The following AKAP13 variants were observed in gnomAD, a reference collection of about 807,000 sequenced individuals.
The protein encoded by AKAP13 is A-kinase anchoring protein 13.
In AKAP13, 80 loss-of-function variants were observed where a neutral mutation model predicts 264.5. The ratio of observed to expected loss-of-function variants is 0.30; its 90% CI spans 0.25 to 0.36. AKAP13 has a LOEUF of 0.36. Ranked by LOEUF, AKAP13 falls within the 10% of genes least tolerant of loss-of-function variation. The pLI is 1.00. For synonymous variants in AKAP13, 1,380 were observed against 1,250.2 expected (o/e 1.10, Z -2.19); for missense variants, 3,712 against 3,435.2 (o/e 1.08, Z -2.01).
At position 85,541,153 on chromosome 15, in the gene AKAP13, A is replaced by G. The variant is rs535172499; in HGVS notation, c.479-2619A>G. Among the ~76,000 whole-genome samples the G allele has an allele frequency of 2.6e-5, 4 of 152,358 alleles. No homozygotes were observed. The South Asian group carries it at 6.2e-4, about 24-fold the overall frequency. Reference sequence around the variant, plus strand: ...ATTTGTCAAAATTTATCAAATGGGTATACTATACCATATGTATTTCATTGT... The same window carrying G: ...ATTTGTCAAAATTTATCAAATGGGTGTACTATACCATATGTATTTCATTGT... On this transcript the variant is annotated intron_variant, in intron 4 of 36. Transcript: ENST00000394518.
At chr15:85,630,166 T>TATACACACAC (rs71468125) in intron 8 of AKAP13, among the ~76,000 whole-genome samples, 49 of 100,180 alleles carry the variant, frequency 4.9e-4, no homozygotes, top group Admixed American at 3.5e-3. Context: ...TTTTAACACA[T>TATACACACAC]ACACACACAC....
rs2151799202 is a variant in AKAP13, at chr15:85,748,772, C to T, written c.*4095C>T. ...CTAAGGGTTAAAGGCGTGCAACCCC[C>T]CACTGGCTGTGTCCCCTGCCACCGA... On this transcript the variant is annotated 3_prime_UTR_variant, in exon 37 of 37. Transcript: ENST00000394518. 6.6e-6 allele frequency: 1 copy of T among 152,404 alleles called. No individual in the cohort carries two copies. Among genetic ancestry groups the T allele is most frequent in the South Asian group, 2.1e-4 (1 of 4,832 alleles). 9.4% of individuals were successfully genotyped at this position (152,404 alleles called of 1,614,324 possible). A position where few individuals can be genotyped will look rare whatever the true frequency, so the allele number is the denominator to read the frequency against.
At chr15:85,739,189 T>TC (rs1378821476) in intron 33 of AKAP13, among the ~76,000 whole-genome samples, 1 of 152,238 alleles carries the variant, frequency 6.6e-6, no homozygotes, top group Non-Finnish European at 1.5e-5. Context: ...TCTGATTATT[T>TC]CCCGAGTATG....
At chr15:85,675,298 T>C (rs1332646114) in intron 14 of AKAP13, among the ~76,000 whole-genome samples, 1 of 152,222 alleles carries the variant, frequency 6.6e-6, no homozygotes, top group African/African-American at 2.4e-5. Flanking sequence ...AGACTCTGCC[T>C]GAGAAACTAG....
intron 3 of AKAP13, among the ~76,000 whole-genome samples, chr15:85,525,127 C>T (rs1286138863): frequency 1.4e-5 from 2 of 144,298 alleles, no homozygotes; most frequent in East Asian, 2.0e-4. Flanking sequence ...GGCGCGATCT[C>T]GGCTCACTGC....
intron 5 of AKAP13, among the ~76,000 whole-genome samples, chr15:85,554,935 T>G (rs990594941): frequency 1.1e-4 from 16 of 152,196 alleles, no homozygotes; most frequent in Admixed American, 1.0e-3. Flanking sequence ...AGCAAATTAC[T>G]CATAGACAGT....
intron 8 of AKAP13, among the ~76,000 whole-genome samples, chr15:85,587,853 G>A (rs1458157278): frequency 6.6e-6 from 1 of 152,024 alleles, no homozygotes; most frequent in Non-Finnish European, 1.5e-5. Flanking sequence ...TTGCCATATT[G>A]GCCAGGCTGG....
intron 8 of AKAP13, among the ~76,000 whole-genome samples, chr15:85,593,708 ATG>A (rs2079683260): frequency 6.6e-6 from 1 of 152,006 alleles, no homozygotes; most frequent in Non-Finnish European, 1.5e-5. Flanking sequence ...TTTAGAGGGG[ATG>A]TGTGTCTCAT....
At chr15:85,444,060 T>C (rs972525826) in intron 1 of AKAP13, among the ~76,000 whole-genome samples, 1 of 152,200 alleles carries the variant, frequency 6.6e-6, no homozygotes, top group African/African-American at 2.4e-5. Flanking sequence ...TGATTCGGGC[T>C]AAGGCTTGGG....
intron 5 of AKAP13, among the ~76,000 whole-genome samples, chr15:85,567,755 G>C (rs553014521): frequency 3.0e-4 from 45 of 151,772 alleles, no homozygotes; most frequent in Non-Finnish European, 6.2e-4. Context: ...TTGTTAACTG[G>C]CCAAAAAAAA....
chr15:85,443,689 C>T (rs1354953604), intron 1 of AKAP13, among the ~76,000 whole-genome samples: 3 of 151,488 alleles, frequency 2.0e-5, no homozygotes, highest in Non-Finnish European at 2.9e-5. Flanking sequence ...TCGTGGTTGA[C>T]TGGAAAGTCA....
intron 1 of AKAP13, among the ~76,000 whole-genome samples, chr15:85,385,448 G>A (rs1017414983): frequency 1.3e-5 from 2 of 151,850 alleles, no homozygotes; most frequent in African/African-American, 4.8e-5. Context: ...TCTGAGTTTT[G>A]ACAGGTGTAT....
chr15:85,681,567 A>G (rs905859840), intron 14 of AKAP13, among the ~76,000 whole-genome samples: 1 of 151,938 alleles, frequency 6.6e-6, no homozygotes. Context: ...GGACTTTGCC[A>G]TCTGTTTTAT....
chr15:85,742,851 T>A (rs1480816569), intron 35 of AKAP13, among the ~76,000 whole-genome samples: 1 of 152,174 alleles, frequency 6.6e-6, no homozygotes, highest in Non-Finnish European at 1.5e-5. Flanking sequence ...GGGGCAGTTG[T>A]AGCTTTCTGC....
chr15:85,700,962 G>A (rs570648522), intron 17 of AKAP13: 1 of 152,166 alleles, frequency 6.6e-6, no homozygotes, highest in African/African-American at 2.4e-5. Context: ...CTGACCTCAC[G>A]TTTTTAGTTC....
chr15:85,406,396 G>GTT lies in AKAP13; in HGVS notation c.-12+25608_-12+25609dup, dbSNP rs34569805. ...TTTTGTGACCTTAGACTAGAAAATA[G>GTT]TTTTTTTTTTTGTTTTTTTTTTGGA... On this transcript the variant is annotated intron_variant, in intron 1 of 36. Coordinates refer to ENST00000394518, the MANE Select transcript of AKAP13 (RefSeq NM_007200.5). Among the ~76,000 whole-genome samples the GTT allele has an allele frequency of 9.4e-3, 1,344 of 143,662 alleles. 43 individuals are homozygous for GTT. The highest frequency in any genetic ancestry group is 0.029 in the African/African-American group (1,099 of 38,102). The allele number at this position is 143,662 out of a possible 152,430, so 94.2% of individuals were successfully genotyped here. A position where few individuals can be genotyped will look rare whatever the true frequency, so the allele number is the denominator to read the frequency against.
At chr15:85,650,957 C>T (rs2082809462) in intron 10 of AKAP13, among the ~76,000 whole-genome samples, 4 of 151,554 alleles carry the variant, frequency 2.6e-5, no homozygotes, top group Admixed American at 2.6e-4. Context: ...CATTATTTTC[C>T]AAGGCACATA....
At chr15:85,575,364 A>ATGTGTATGTGTGTGT (rs2078968126) in intron 6 of AKAP13, 35 bp downstream of exon 6, 1 of 1,576,002 alleles carries the variant, frequency 6.3e-7, no homozygotes, top group Non-Finnish European at 8.7e-7. Context: ...AAGTATATGC[A>ATGTGTATGTGTGTGT]TGTGTATGTG....
At chr15:85,587,788 A>G (rs1183352162) in intron 8 of AKAP13, among the ~76,000 whole-genome samples, 2 of 152,148 alleles carry the variant, frequency 1.3e-5, no homozygotes, top group Non-Finnish European at 2.9e-5. Context: ...CTGGGATTAC[A>G]GGGACTCGTC....
Sources: allele counts gnomAD v4.1 joint callset (sites outside exome capture counted in the v4.1 genomes callset), GRCh38; gene constraint gnomAD v4.1.1; transcripts MANE v1.5; gene names NCBI Gene and HGNC (gene_info 2026-07-23, HGNC 2026-07-21).